The following JHY variants were observed in gnomAD, a reference collection of about 807,000 sequenced individuals.
JHY encodes junctional cadherin complex regulator.
A neutral mutation model predicts 78.0 loss-of-function variants in JHY; 69 were observed. The observed-to-expected ratio is 0.88, with a 90% CI of 0.73 to 1.08. JHY has a LOEUF of 1.08. Ranked by LOEUF, JHY falls within the 50% of genes least tolerant of loss-of-function variation. The pLI, the probability that JHY is intolerant of heterozygous loss-of-function variation, is 0.00. For missense variants in JHY, 944 were observed against 927.8 expected (o/e 1.02, Z -0.23); for synonymous variants, 368 against 342.6 (o/e 1.07, Z -0.82).
rs528165827 is a variant in JHY at position 122,883,669 on chromosome 11, C to T, written c.-90+697C>T. 6.6e-4 allele frequency among the ~76,000 whole-genome samples: 100 copies of T among 152,220 alleles called. No individual in the cohort carries two copies. Among genetic ancestry groups the T allele is most frequent in the African/African-American group, 2.3e-3 (97 of 41,534 alleles). ...CTTTCTAACTTATTCAAGCTGTCAGCTGTTCCTTCTTCCACCCCATGTTTT... is the reference window on the plus strand; with the variant it reads ...CTTTCTAACTTATTCAAGCTGTCAGTTGTTCCTTCTTCCACCCCATGTTTT... On this transcript the variant is annotated intron_variant, in intron 1 of 8. Transcript: ENST00000227349. The surrounding 1 kb of genome is among the most constrained non-coding windows in gnomAD (Gnocchi z 4.4).
chr11:122,938,091 A>G lies in JHY; in HGVS notation c.1634+3016A>G, dbSNP rs187654557. ...TTTTTCTCTACTGAAGTGAAATTTC[A>G]TAATATTGCGCCTTTGTATAGGTCT... On this transcript the variant is annotated intron_variant, in intron 5 of 8. Coordinates refer to ENST00000227349, the MANE Select transcript of JHY (RefSeq NM_024806.4). Among the ~76,000 whole-genome samples the G allele has an allele frequency of 1.5e-3, 235 of 152,132 alleles. 1 individual carries two copies. Among genetic ancestry groups the G allele is most frequent in the African/African-American group, 5.3e-3 (222 of 41,496 alleles).
At chr11:122,890,303 A>G (rs963778665) in intron 2 of JHY, among the ~76,000 whole-genome samples, 4 of 152,044 alleles carry the variant, frequency 2.6e-5, no homozygotes, top group African/African-American at 9.7e-5. Context: ...TCATGATCCC[A>G]TTTTGAAGGA....
At position 122,934,722 on chromosome 11, in the gene JHY, A is replaced by C; in HGVS notation, c.1281A>C (p.Ser427=). The C allele has an allele frequency of 6.2e-7, 1 of 1,614,104 alleles. No individual in the cohort carries two copies. The highest frequency in any genetic ancestry group is 8.5e-7 in the Non-Finnish European group (1 of 1,179,972). Residue 427 remains serine, a synonymous_variant, in exon 5 of 9, where the codon TCA becomes TCC. Transcript: ENST00000227349. ...CCTCTAACAATGATGTACAAGCCTC[A>C]AGGGCACTTAGAAGCCACAATCTCA... ...MHASNNDVQA[S]RALRSHNLKE... is the part of the protein sequence containing the mutation.
At chr11:122,905,191 C>T (rs267602742) in intron 3 of JHY, 1 of 1,613,932 alleles carries the variant, frequency 6.2e-7, no homozygotes, top group African/African-American at 1.3e-5. Flanking sequence ...AGAGTAAATT[C>T]TCTCCCACGT....
At position 122,961,698 on chromosome 11, in the gene JHY, G is replaced by A. The variant is rs1041861722; in HGVS notation, c.*2253G>A. On this transcript the variant is annotated 3_prime_UTR_variant, in exon 9 of 9. Coordinates refer to ENST00000227349, the MANE Select transcript of JHY (RefSeq NM_024806.4). Reference sequence around the variant, plus strand: ...AAGCAGTTTGCCTTTGTTAAATCTTGGTGCCTGACTAAAGATTACCAGGTT... The same window carrying A: ...AAGCAGTTTGCCTTTGTTAAATCTTAGTGCCTGACTAAAGATTACCAGGTT... 1.3e-5 allele frequency among the ~76,000 whole-genome samples: 2 copies of A among 152,012 alleles called. No individual in the cohort carries two copies. The highest frequency in any genetic ancestry group is 4.8e-5 in the African/African-American group (2 of 41,342).
At chr11:122,951,990 C>CATTT (rs1864097058) in intron 6 of JHY, among the ~76,000 whole-genome samples, 1 of 133,464 alleles carries the variant, frequency 7.5e-6, no homozygotes, top group African/African-American at 2.7e-5. Context: ...TGTTGATTTA[C>CATTT]TTTTTTTTTT....
chr11:122,934,615 A>G lies in JHY; in HGVS notation c.1174A>G (p.Asn392Asp). The change falls in exon 5 of 9, where the codon AAT becomes GAT. Residue 392 changes from asparagine to aspartate, a missense_variant. By Grantham distance (23) the Asn-to-Asp change is conservative. Transcript: ENST00000227349. ...EEVTASQGNQNNPPRQQQNQN... is the reference protein window; with the variant it reads ...EEVTASQGNQDNPPRQQQNQN... ...GGTGACTGCCAGTCAGGGGAACCAG[A>G]ATAACCCTCCCAGGCAGCAACAAAA... The G allele has an allele frequency of 6.2e-7, 1 of 1,614,134 alleles. No homozygotes were observed. The highest frequency in any genetic ancestry group is 8.5e-7 in the Non-Finnish European group (1 of 1,180,014).
chr11:122,897,388 T>A (rs1331582319), intron 2 of JHY, among the ~76,000 whole-genome samples: 5 of 152,078 alleles, frequency 3.3e-5, no homozygotes. Context: ...AGTACCTGGC[T>A]GATTGGTTTT....
At chr11:122,906,233 G>C (rs1862989500) in intron 3 of JHY, among the ~76,000 whole-genome samples, 1 of 152,136 alleles carries the variant, frequency 6.6e-6, no homozygotes, top group Admixed American at 6.6e-5. Flanking sequence ...TTTCACCCAA[G>C]CTGGAATGCA....
Position 122,956,086 on chromosome 11 carries a change from A to C in JHY, c.1930-410A>C, listed in dbSNP as rs548906102. Among the ~76,000 whole-genome samples, 304 of 152,176 alleles carry C rather than the reference A, an allele frequency of 2.0e-3. 1 individual carries two copies. The highest frequency in any genetic ancestry group is 7.0e-3 in the African/African-American group (291 of 41,518). On this transcript the variant is annotated intron_variant, in intron 6 of 8. Coordinates refer to ENST00000227349, the MANE Select transcript of JHY (RefSeq NM_024806.4). Reference sequence around the variant, plus strand: ...CTCAAGAGGCTGAGGTGGGAGGATCACTTAAGCTCAGGAGTTCAAGCCCAG... The same window carrying C: ...CTCAAGAGGCTGAGGTGGGAGGATCCCTTAAGCTCAGGAGTTCAAGCCCAG...
chr11:122,903,802 A>G, intron 2 of JHY, 123 bp from the exon 3 acceptor site: 1 of 1,332,266 alleles, frequency 7.5e-7, no homozygotes, highest in Non-Finnish European at 1.0e-6. Flanking sequence ...TTTAGCATAC[A>G]GATAATAAAA....
chr11:122,899,094 T>C (rs1862792945), intron 2 of JHY, among the ~76,000 whole-genome samples: 1 of 152,146 alleles, frequency 6.6e-6, no homozygotes, highest in Non-Finnish European at 1.5e-5. Context: ...GGCCCGGTGC[T>C]CCTCATCAGA....
rs752917001 is a variant in JHY at position 122,957,387 on chromosome 11, G to T, written c.2035G>T (p.Glu679Ter). Reference sequence around the variant, plus strand: ...GACGCAAAAATTAATACAGCAAAAGGAATATGCAAAACAAGTCAAGGAGTA... The same window carrying T: ...GACGCAAAAATTAATACAGCAAAAGTAATATGCAAAACAAGTCAAGGAGTA... ...DKTQKLIQQK[E>*]YAKQVKEYNM... The change falls in exon 8 of 9, where the codon GAA (glutamate) becomes TAA (stop). Residue 679 changes from glutamate (E) to a stop codon, truncating the protein, a stop_gained. Transcript: ENST00000227349. LOFTEE classifies it high-confidence loss of function. 2 of 1,531,944 alleles carry T rather than the reference G, an allele frequency of 1.3e-6. No individual in the cohort carries two copies. Among genetic ancestry groups the T allele is most frequent in the Non-Finnish European group, 1.7e-6 (2 of 1,152,708 alleles). 94.9% of individuals were successfully genotyped at this position (1,531,944 alleles called of 1,614,324 possible).
intron 6 of JHY, among the ~76,000 whole-genome samples, chr11:122,955,114 TTTGTTG>T (rs150751220): frequency 2.6e-5 from 4 of 151,666 alleles, no homozygotes; most frequent in Non-Finnish European, 4.4e-5. Context: ...AACTTCAGGG[TTTGTTG>T]TTGTTGTTGT....
At chr11:122,886,961 T>C (rs1278380383) in intron 2 of JHY, among the ~76,000 whole-genome samples, 4 of 152,194 alleles carry the variant, frequency 2.6e-5, no homozygotes. Context: ...TTTAACCTTG[T>C]GCTATGAGCT....
At chr11:122,955,108 T>C (rs1344353496) in intron 6 of JHY, among the ~76,000 whole-genome samples, 1 of 152,128 alleles carries the variant, frequency 6.6e-6, no homozygotes, top group Non-Finnish European at 1.5e-5. Context: ...AGTCTAAACT[T>C]CAGGGTTTGT....
intron 3 of JHY, among the ~76,000 whole-genome samples, chr11:122,918,549 T>A (rs1430437402): frequency 6.6e-6 from 1 of 151,250 alleles, no homozygotes; most frequent in Non-Finnish European, 1.5e-5. Context: ...GAGTAGCAAA[T>A]GCAAATTTCA....
chr11:122,962,482 G>A lies in JHY; in HGVS notation c.*3037G>A, dbSNP rs1205438272. 6.6e-6 allele frequency among the ~76,000 whole-genome samples: 1 copy of A among 152,148 alleles called. No homozygotes were observed. The highest frequency in any genetic ancestry group is 6.5e-5 in the Admixed American group (1 of 15,278). On this transcript the variant is annotated 3_prime_UTR_variant, in exon 9 of 9. Coordinates refer to ENST00000227349, the MANE Select transcript of JHY (RefSeq NM_024806.4). ...CATGTTTCAGTGGGATTTGGAAAAT[G>A]TAATATATGAGGCATTAGACAGGAA...
At chr11:122,912,399 A>G (rs1863150679) in intron 3 of JHY, among the ~76,000 whole-genome samples, 2 of 152,096 alleles carry the variant, frequency 1.3e-5, no homozygotes, top group South Asian at 4.1e-4. Flanking sequence ...AGAGAAAAGT[A>G]TGCAAGATCT....
Sources: allele counts gnomAD v4.1 joint callset (sites outside exome capture counted in the v4.1 genomes callset), GRCh38; gene constraint gnomAD v4.1.1; non-coding constraint Gnocchi (gnomAD v3.1); transcripts MANE v1.5; gene names NCBI Gene and HGNC (gene_info 2026-07-23, HGNC 2026-07-21).